Variants in DIP2B observed in about 807,000 individuals in gnomAD.
DIP2B encodes DIP2 acetate--CoA ligase B (putative).
DIP2B carries 76 observed loss-of-function variants against 198.0 expected under a neutral mutation model. The observed-to-expected ratio is 0.38, with a 90% confidence interval of 0.32 to 0.46. The LOEUF is 0.46. DIP2B is among the 20% of genes least tolerant of loss of function. The probability of loss-of-function intolerance (pLI) is 0.99; values close to 1 mark genes in which losing one functional copy is unlikely to be tolerated. For missense variants in DIP2B, 1,559 were observed against 1,978.4 expected, an observed-to-expected ratio of 0.79 and a Z score of 4.02; for synonymous variants, 701 against 739.1, an observed-to-expected ratio of 0.95 and a Z score of 0.84.
intron 1 of DIP2B, among the ~76,000 whole-genome samples, chr12:50,541,008 T>C (rs1958320337): frequency 1.3e-5 from 2 of 152,300 alleles, no homozygotes; most frequent in East Asian, 3.9e-4. Context: ...CCATAGTTTC[T>C]TCAATGCACT....
intron 19 of DIP2B, among the ~76,000 whole-genome samples, chr12:50,700,142 G>GAAAAC (rs1244959806): frequency 3.9e-5 from 6 of 152,124 alleles, no homozygotes; most frequent in Non-Finnish European, 7.4e-5. Context: ...GGGTGCATCA[G>GAAAAC]AAAACAAAAC....
At chr12:50,578,904 A>G (rs949351297) in intron 1 of DIP2B, among the ~76,000 whole-genome samples, 1 of 152,196 alleles carries the variant, frequency 6.6e-6, no homozygotes, top group Non-Finnish European at 1.5e-5. Flanking sequence ...ACAACAATGC[A>G]TCTCAAACTG....
chr12:50,633,716 T>TC (rs1938106409), intron 2 of DIP2B, among the ~76,000 whole-genome samples: 1 of 152,160 alleles, frequency 6.6e-6, no homozygotes, highest in South Asian at 2.1e-4. Context: ...CAGTGAGCCG[T>TC]GATTGTGCCA....
intron 1 of DIP2B, among the ~76,000 whole-genome samples, chr12:50,519,198 T>A (rs532006814): frequency 6.6e-6 from 1 of 152,344 alleles, no homozygotes; most frequent in African/African-American, 2.4e-5. Context: ...ACTCTGTAGA[T>A]TATATTTGGA....
chr12:50,658,110 A>T (rs969992824), intron 3 of DIP2B, among the ~76,000 whole-genome samples: 3 of 151,892 alleles, frequency 2.0e-5, no homozygotes, highest in African/African-American at 7.2e-5. Context: ...AAGAAAGAAA[A>T]AAAAGAAAAA....
chr12:50,599,240 C>T (rs886457104), intron 1 of DIP2B, among the ~76,000 whole-genome samples: 2 of 149,162 alleles, frequency 1.3e-5, no homozygotes, highest in South Asian at 2.1e-4. Flanking sequence ...TGCAGTGAAC[C>T]GAGATGGCAC....
rs372792891 is a variant in DIP2B, at chr12:50,534,921, A to T, written c.100+29681A>T. On this transcript the variant is annotated intron_variant, in intron 1 of 37. Transcript: ENST00000301180. ...GTTTATCAAAGTATATGAAAAGGAG[A>T]TCCTATTTTAAATTCACTGGAACAG... is the stretch of plus-strand genomic sequence containing the variant. Among the ~76,000 whole-genome samples the T allele has an allele frequency of 4.6e-4, 70 of 152,186 alleles. No individual in the cohort carries two copies. In the South Asian group the frequency reaches 0.014, roughly 31 times the overall value.
intron 3 of DIP2B, among the ~76,000 whole-genome samples, chr12:50,658,217 A>G (rs1050920857): frequency 2.7e-5 from 4 of 150,804 alleles, no homozygotes; most frequent in East Asian, 1.9e-4. Context: ...GCTCACTGCA[A>G]CCTCCGCCTG....
rs191770011 is a variant in DIP2B, at chr12:50,542,215, C to T, written c.100+36975C>T. On this transcript the variant is annotated intron_variant, in intron 1 of 37. Transcript: ENST00000301180. ...GTGAGTCGAGATTTGGGCCACTGCA[C>T]TCCAGCCTGGGTGACAGAGTGAGAC... Among the ~76,000 whole-genome samples the T allele has an allele frequency of 2.4e-3, 349 of 144,188 alleles. 9 individuals carry two copies. Among genetic ancestry groups the T allele is most frequent in the Admixed American group, 0.023 (328 of 14,082 alleles). The allele number at this position is 144,188 out of a possible 152,430, so 94.6% of individuals were successfully genotyped here. A position where few individuals can be genotyped will look rare whatever the true frequency, so the allele number is the denominator to read the frequency against.
At chr12:50,591,430 T>C (rs558450607) in intron 1 of DIP2B, among the ~76,000 whole-genome samples, 3 of 152,098 alleles carry the variant, frequency 2.0e-5, no homozygotes, top group Admixed American at 2.0e-4. Flanking sequence ...GAGATCCAAA[T>C]TATGCATGAT....
intron 16 of DIP2B, 90 bp from the exon 17 acceptor site, chr12:50,696,971 T>C (rs900280790): frequency 1.7e-5 from 16 of 932,616 alleles, no homozygotes; most frequent in Non-Finnish European, 2.6e-5. Context: ...TCATGAGAAA[T>C]AAGTATGTCA....
chr12:50,686,084 A>G, intron 11 of DIP2B, 128 bp downstream of exon 11: 1 of 1,012,548 alleles, frequency 9.9e-7, no homozygotes, highest in Non-Finnish European at 1.4e-6. Context: ...CTTATGAAGT[A>G]GGTACCATTA....
intron 1 of DIP2B, among the ~76,000 whole-genome samples, chr12:50,587,467 G>A (rs1252548818): frequency 1.3e-5 from 2 of 152,146 alleles, no homozygotes; most frequent in African/African-American, 2.4e-5. Flanking sequence ...GTTACATGAC[G>A]GGGAGGGATC....
At chr12:50,674,201 A>T (rs1938904865) in intron 5 of DIP2B, among the ~76,000 whole-genome samples, 1 of 152,170 alleles carries the variant, frequency 6.6e-6, no homozygotes, top group Non-Finnish European at 1.5e-5. Context: ...GTAGAAAATG[A>T]TGTTTTGAGA....
rs1054637629 is a variant in DIP2B, at chr12:50,657,952, A to T, written c.302-2242A>T. On this transcript the variant is annotated intron_variant, in intron 3 of 37. Coordinates refer to ENST00000301180, the MANE Select transcript of DIP2B (RefSeq NM_173602.3). ...TGTTGGAATATGGATTGTGGGTTAG[A>T]TAATAGTTTGTATCAATGTTGAATT... is the stretch of plus-strand genomic sequence containing the variant. Among the ~76,000 whole-genome samples, 8 of 152,060 alleles carry T rather than the reference A, an allele frequency of 5.3e-5. No individual in the cohort carries two copies. The East Asian group carries it at 1.3e-3, about 26-fold the overall frequency.
At chr12:50,711,246 C>T (rs904060341) in intron 22 of DIP2B, among the ~76,000 whole-genome samples, 9 of 152,288 alleles carry the variant, frequency 5.9e-5, no homozygotes, top group African/African-American at 1.2e-4. Flanking sequence ...CAGTAAATGA[C>T]GCCATGTATT....
At chr12:50,704,065 A>G in intron 19 of DIP2B, 75 bp from the exon 20 acceptor site, 1 of 1,331,306 alleles carries the variant, frequency 7.5e-7, no homozygotes, top group South Asian at 1.3e-5. Context: ...ATGTATTTTA[A>G]TAAAACTTTT....
chr12:50,564,168 A>G (rs1958544141), intron 1 of DIP2B, among the ~76,000 whole-genome samples: 1 of 151,994 alleles, frequency 6.6e-6, no homozygotes, highest in African/African-American at 2.4e-5. Context: ...ATGGTACTGT[A>G]TTCTCTTGGT....
intron 19 of DIP2B, among the ~76,000 whole-genome samples, chr12:50,703,077 G>C (rs1284731749): frequency 6.6e-6 from 1 of 151,984 alleles, no homozygotes; most frequent in African/African-American, 2.4e-5. Flanking sequence ...TTAAAAATTA[G>C]CTAGGCGTGG....
Sources: gnomAD v4.1 joint callset for allele counts (sites outside exome capture counted in the v4.1 genomes callset) on GRCh38, gnomAD v4.1.1 for gene constraint, MANE v1.5 for transcripts, NCBI Gene and HGNC (gene_info 2026-07-23, HGNC 2026-07-21) for gene names.